FAM222B: variants seen among roughly 807,000 people sequenced by gnomAD.
FAM222B encodes the protein protein FAM222B.
FAM222B carries 12 observed loss-of-function variants against 38.0 expected under a neutral mutation model. The ratio of observed to expected loss-of-function variants is 0.32; its 90% CI spans 0.20 to 0.51. The LOEUF (loss-of-function observed/expected upper bound fraction) is 0.51, where lower values mean the gene tolerates loss of function less well. FAM222B is among the 20% of genes least tolerant of loss of function. FAM222B has a pLI of 0.97. For synonymous variants in FAM222B, 329 were observed against 317.2 expected (o/e 1.04, Z -0.40); for missense variants, 716 against 754.2 (o/e 0.95, Z 0.59).
intron 1 of FAM222B, among the ~76,000 whole-genome samples, chr17:28,853,526 C>A (rs1287736151): frequency 3.3e-5 from 5 of 152,118 alleles, no homozygotes; most frequent in African/African-American, 7.2e-5. Context: ...GACTTTAAGT[C>A]ATCTTAAAGT....
intron 1 of FAM222B, among the ~76,000 whole-genome samples, chr17:28,814,092 A>G (rs66588554): frequency 0.19 from 28,848 of 151,274 alleles, 2,875 homozygotes; most frequent in South Asian, 0.29. Context: ...GGTAACTCGC[A>G]CGGTAGTCCC....
chr17:28,798,438 T>C (rs2037045851), intron 1 of FAM222B, among the ~76,000 whole-genome samples: 2 of 152,166 alleles, frequency 1.3e-5, no homozygotes, highest in Admixed American at 1.3e-4. Flanking sequence ...TAGAAAGTAC[T>C]GGGTAGGGTA....
At chr17:28,829,066 C>A (rs375992534) in intron 1 of FAM222B, among the ~76,000 whole-genome samples, 4 of 151,550 alleles carry the variant, frequency 2.6e-5, no homozygotes, top group Non-Finnish European at 5.9e-5. Context: ...CCACCATGCC[C>A]GGCTAATTTT....
intron 1 of FAM222B, among the ~76,000 whole-genome samples, chr17:28,828,975 G>A (rs771960211): frequency 6.6e-6 from 1 of 151,792 alleles, no homozygotes; most frequent in Non-Finnish European, 1.5e-5. Context: ...GCGCCATCTC[G>A]GCTCACTGCA....
intron 1 of FAM222B, among the ~76,000 whole-genome samples, chr17:28,813,130 A>C (rs1311435665): frequency 9.3e-4 from 124 of 133,878 alleles, no homozygotes; most frequent in Middle Eastern, 4.0e-3. Context: ...TCAGACACAA[A>C]AAAAAAAAAA....
At chr17:28,831,986 G>A (rs983639467) in intron 1 of FAM222B, among the ~76,000 whole-genome samples, 4 of 152,038 alleles carry the variant, frequency 2.6e-5, no homozygotes, top group African/African-American at 9.7e-5. Context: ...TGATGAGATC[G>A]AGACCATCCT....
At chr17:28,760,685 G>GC (rs2151761746) in intron 2 of FAM222B, among the ~76,000 whole-genome samples, 1 of 152,312 alleles carries the variant, frequency 6.6e-6, no homozygotes, top group South Asian at 2.1e-4. Context: ...GGCCATGGTG[G>GC]CCCTTCAGTC....
intron 1 of FAM222B, among the ~76,000 whole-genome samples, chr17:28,790,772 A>G (rs1253476808): frequency 2.0e-5 from 3 of 152,030 alleles, no homozygotes; most frequent in Admixed American, 6.6e-5. Flanking sequence ...AGGAAATACT[A>G]AAGTATTCAA....
chr17:28,785,990 C>T (rs1215383048), intron 1 of FAM222B, among the ~76,000 whole-genome samples: 3 of 152,060 alleles, frequency 2.0e-5, no homozygotes, highest in African/African-American at 7.2e-5. Flanking sequence ...TGAGGCACCA[C>T]ACCCAGCTAA....
intron 1 of FAM222B, among the ~76,000 whole-genome samples, chr17:28,811,112 T>C (rs1300810618): frequency 1.3e-5 from 2 of 152,162 alleles, no homozygotes; most frequent in African/African-American, 4.8e-5. Flanking sequence ...CTAATCAACA[T>C]TAAGATAAAC....
Position 28,758,209 on chromosome 17 carries a change from A to G in FAM222B, c.*61T>C, listed in dbSNP as rs1217974982. The G allele has an allele frequency of 2.2e-6, 3 of 1,368,172 alleles. No individual in the cohort carries two copies. The highest frequency in any genetic ancestry group is 2.3e-5 in the Admixed American group (1 of 43,330). The allele number at this position is 1,368,172 out of a possible 1,614,324, so 84.8% of individuals were successfully genotyped here. On this transcript the variant is annotated 3_prime_UTR_variant, in exon 3 of 3. Coordinates refer to ENST00000581407, the MANE Select transcript of FAM222B (RefSeq NM_001077498.3). ...AAACTTTGAAACTATCCAGTTACTT[A>G]AAAGACTAAACCTAGGAGGGTGATG... is the stretch of plus-strand genomic sequence containing the variant.
At chr17:28,835,685 G>A (rs528542822) in intron 1 of FAM222B, among the ~76,000 whole-genome samples, 9 of 151,816 alleles carry the variant, frequency 5.9e-5, no homozygotes, top group East Asian at 1.9e-4. Context: ...TTTTAAATAG[G>A]GTCTCACTCT....
intron 1 of FAM222B, among the ~76,000 whole-genome samples, chr17:28,783,024 G>A (rs1275033668): frequency 6.6e-6 from 1 of 151,670 alleles, no homozygotes; most frequent in African/African-American, 2.4e-5. Context: ...TGTAGCCCCA[G>A]CTACTTGGGA....
chr17:28,776,708 G>C (rs140408171), intron 1 of FAM222B, among the ~76,000 whole-genome samples: 1 of 152,012 alleles, frequency 6.6e-6, no homozygotes, highest in East Asian at 1.9e-4. Flanking sequence ...CTGGCCTCAA[G>C]TGGCCTCCCA....
intron 1 of FAM222B, among the ~76,000 whole-genome samples, chr17:28,802,124 TG>T (rs1310133233): frequency 6.7e-6 from 1 of 148,900 alleles, no homozygotes; most frequent in African/African-American, 2.5e-5. Flanking sequence ...AGTCTTACTC[TG>T]TGGCCCAGGT....
Position 28,758,630 on chromosome 17 carries a change from G to C in FAM222B, c.1329C>G (p.Ala443=), listed in dbSNP as rs2034852939. The change falls in exon 3 of 3, where the codon GCC becomes GCG. Residue 443 remains alanine (A), a synonymous_variant. Coordinates refer to ENST00000581407, the MANE Select transcript of FAM222B (RefSeq NM_001077498.3). ...GTTGGAAGTAGTGACCATTGGGGTA[G>C]GCCAATGGGGCTGCCATGCCGTTGA... ...PPVNGMAAPL[A]YPNGHYFQPL... The C allele has an allele frequency of 6.2e-7, 1 of 1,611,496 alleles. No individual in the cohort carries two copies. Among genetic ancestry groups the C allele is most frequent in the South Asian group, 1.1e-5 (1 of 91,070 alleles).
At chr17:28,823,959 G>C (rs1009127259) in intron 1 of FAM222B, among the ~76,000 whole-genome samples, 1 of 144,664 alleles carries the variant, frequency 6.9e-6, no homozygotes, top group South Asian at 2.2e-4. Flanking sequence ...CTCACTACAA[G>C]CTCTGCCTCC....
intron 1 of FAM222B, among the ~76,000 whole-genome samples, chr17:28,784,205 G>T (rs2151849453): frequency 6.6e-6 from 1 of 152,164 alleles, no homozygotes; most frequent in Non-Finnish European, 1.5e-5. Flanking sequence ...GGGGCACAGT[G>T]GCTCACATCT....
chr17:28,780,758 T>G (rs982023434), intron 1 of FAM222B, among the ~76,000 whole-genome samples: 5 of 151,988 alleles, frequency 3.3e-5, no homozygotes, highest in Admixed American at 2.6e-4. Flanking sequence ...GGCAGGCACC[T>G]GTAATACCAG....
Sources: allele counts gnomAD v4.1 joint callset (sites outside exome capture counted in the v4.1 genomes callset), GRCh38; gene constraint gnomAD v4.1.1; transcripts MANE v1.5; gene names NCBI Gene and HGNC (gene_info 2026-07-23, HGNC 2026-07-21).